Variants in DRC8 observed in about 807,000 individuals in gnomAD.
DRC8 encodes dynein regulatory complex subunit 8.
At chr1:244,978,124 G>A in the DRC8 span, among the ~76,000 whole-genome samples, 1 of 152,152 alleles carries the variant, frequency 6.6e-6, no homozygotes, top group African/African-American at 2.4e-5. Context: ...ACAATCCTTT[G>A]TAAACCTCTA....
At chr1:245,091,429 G>A in the DRC8 span, 2 of 152,268 alleles carry the variant, frequency 1.3e-5, no homozygotes, top group African/African-American at 2.4e-5. Flanking sequence ...AAGAAGTACA[G>A]TCTGGTGAAT....
chr1:245,090,943 C>T, the DRC8 span: 1 of 152,198 alleles, frequency 6.6e-6, no homozygotes, highest in Admixed American at 6.5e-5. Context: ...TTCTGGAAGG[C>T]TTCCTGACAG....
At chr1:245,077,168 A>T in the DRC8 span, among the ~76,000 whole-genome samples, 1 of 152,100 alleles carries the variant, frequency 6.6e-6, no homozygotes, top group Admixed American at 6.6e-5. Flanking sequence ...AGCCGCTTTG[A>T]TAGTGCACCA....
chr1:245,032,078 T>G, the DRC8 span, among the ~76,000 whole-genome samples: 3 of 152,142 alleles, frequency 2.0e-5, no homozygotes, highest in African/African-American at 7.2e-5. Context: ...GTTTTCTATA[T>G]CACAGATAGA....
the DRC8 span, chr1:245,017,453 C>T: frequency 2.0e-6 from 2 of 977,486 alleles, no homozygotes; most frequent in South Asian, 4.5e-5. Flanking sequence ...TATTTATTTT[C>T]CATGCTCCGT....
the DRC8 span, among the ~76,000 whole-genome samples, chr1:244,974,511 G>C: frequency 1.3e-5 from 2 of 152,138 alleles, no homozygotes; most frequent in Non-Finnish European, 2.9e-5. Flanking sequence ...AATGGAAGAG[G>C]TTTTACAAGG....
the DRC8 span, among the ~76,000 whole-genome samples, chr1:245,105,924 A>T: frequency 4.5e-4 from 69 of 152,136 alleles, no homozygotes; most frequent in Admixed American, 7.2e-4. Flanking sequence ...AAAAATTTTT[A>T]AAAAATTAGC....
the DRC8 span, among the ~76,000 whole-genome samples, chr1:245,117,634 G>T: frequency 6.6e-6 from 1 of 151,922 alleles, no homozygotes; most frequent in Non-Finnish European, 1.5e-5. Context: ...TGTTGGTCAG[G>T]CTGGTCTCTA....
chr1:244,976,303 A>G, the DRC8 span, among the ~76,000 whole-genome samples: 2 of 81,362 alleles, frequency 2.5e-5, no homozygotes, highest in Admixed American at 1.5e-4. Flanking sequence ...AAGAGTTAAG[A>G]AAACTTTTAA....
At chr1:245,079,326 G>A in the DRC8 span, among the ~76,000 whole-genome samples, 1 of 152,002 alleles carries the variant, frequency 6.6e-6, no homozygotes, top group East Asian at 1.9e-4. Flanking sequence ...CTGTTTATTC[G>A]TTGTCCCTCT....
chr1:245,008,885 G>T, the DRC8 span, among the ~76,000 whole-genome samples: 3 of 151,444 alleles, frequency 2.0e-5, no homozygotes, highest in African/African-American at 7.3e-5. Flanking sequence ...GTGAGGTCTC[G>T]CTATGTTGCT....
At chr1:244,990,760 C>T in the DRC8 span, among the ~76,000 whole-genome samples, 5 of 152,088 alleles carry the variant, frequency 3.3e-5, no homozygotes, top group South Asian at 1.0e-3. Context: ...CTCAGCCTTC[C>T]TAGCAGCTGG....
the DRC8 span, among the ~76,000 whole-genome samples, chr1:245,005,012 C>T: frequency 6.6e-6 from 1 of 152,108 alleles, no homozygotes; most frequent in Non-Finnish European, 1.5e-5. Flanking sequence ...TTGTCAAATA[C>T]TTGTTCTGTG....
chr1:245,026,090 T>C, the DRC8 span, among the ~76,000 whole-genome samples: 3 of 152,260 alleles, frequency 2.0e-5, no homozygotes, highest in Non-Finnish European at 2.9e-5. Flanking sequence ...AATATTTTCT[T>C]AATCTTTAGA....
the DRC8 span, among the ~76,000 whole-genome samples, chr1:245,032,123 A>G: frequency 6.6e-6 from 1 of 152,174 alleles, no homozygotes; most frequent in Admixed American, 6.5e-5. Context: ...TCATCTTCAT[A>G]TATAGTAAGG....
At chr1:245,107,498 C>T in the DRC8 span, among the ~76,000 whole-genome samples, 4 of 152,218 alleles carry the variant, frequency 2.6e-5, no homozygotes, top group Admixed American at 6.5e-5. Flanking sequence ...CCTCTAACAC[C>T]GCCAAATCTC....
chr1:245,051,702 A>G, the DRC8 span, among the ~76,000 whole-genome samples: 2 of 152,220 alleles, frequency 1.3e-5, no homozygotes, highest in Admixed American at 1.3e-4. Context: ...CGAAGCACCT[A>G]TCAAGTTTTT....
At chr1:245,032,794 G>C in the DRC8 span, among the ~76,000 whole-genome samples, 1 of 152,094 alleles carries the variant, frequency 6.6e-6, no homozygotes, top group African/African-American at 2.4e-5. Context: ...TAGGATCCTG[G>C]ATTTCATTGT....
chr1:245,035,707 A>G, the DRC8 span, among the ~76,000 whole-genome samples: 1 of 151,918 alleles, frequency 6.6e-6, no homozygotes, highest in Non-Finnish European at 1.5e-5. Flanking sequence ...TTTCTACTAA[A>G]CATACAAAAA....
Sources: allele counts gnomAD v4.1 joint callset (sites outside exome capture counted in the v4.1 genomes callset), GRCh38; gene constraint gnomAD v4.1.1; transcripts MANE v1.5; gene names NCBI Gene and HGNC (gene_info 2026-07-23, HGNC 2026-07-21).